The following RALYL variants were observed in gnomAD, a reference collection of about 807,000 sequenced individuals.
The protein encoded by RALYL is RALY RNA binding protein like.
RALYL carries 29 observed loss-of-function variants against 35.1 expected under a neutral mutation model. The observed-to-expected ratio is 0.83, with a 90% confidence interval of 0.61 to 1.13. The LOEUF (loss-of-function observed/expected upper bound fraction) is 1.13. Ranked by LOEUF, RALYL falls within the 50% of genes most tolerant of loss-of-function variation. RALYL has a pLI of 0.00. For missense variants in RALYL, 359 were observed against 360.4 expected, an observed-to-expected ratio of 1.00 and a Z score of 0.03; for synonymous variants, 120 against 127.6, an observed-to-expected ratio of 0.94 and a Z score of 0.40.
chr8:84,326,825 T>TA (rs1362246567), intron 1 of RALYL, among the ~76,000 whole-genome samples: 1 of 152,202 alleles, frequency 6.6e-6, no homozygotes, highest in African/African-American at 2.4e-5. Context: ...AATTTTCATG[T>TA]AGTATTTGTG....
intron 2 of RALYL, among the ~76,000 whole-genome samples, chr8:84,765,642 G>C (rs765474319): frequency 2.0e-5 from 3 of 152,012 alleles, no homozygotes; most frequent in African/African-American, 2.4e-5. Flanking sequence ...GCTTATACTT[G>C]GGTAATGTAT....
intron 2 of RALYL, among the ~76,000 whole-genome samples, chr8:84,630,395 TC>T (rs1308701344): frequency 1.3e-5 from 2 of 151,868 alleles, no homozygotes; most frequent in Admixed American, 1.3e-4. Flanking sequence ...TTAAAAAACT[TC>T]AAACAACAAC....
intron 2 of RALYL, among the ~76,000 whole-genome samples, chr8:84,758,325 G>A (rs751350025): frequency 6.6e-6 from 1 of 152,124 alleles, no homozygotes; most frequent in Non-Finnish European, 1.5e-5. Context: ...CCTTCTTTGG[G>A]TAGGTAAATA....
intron 2 of RALYL, among the ~76,000 whole-genome samples, chr8:84,651,177 T>C (rs1588761367): frequency 6.6e-6 from 1 of 151,940 alleles, no homozygotes; most frequent in Non-Finnish European, 1.5e-5. Context: ...CATATGTAAC[T>C]AACCTGCACA....
At chr8:84,906,687 A>AT (rs1288686429) in intron 8 of RALYL, among the ~76,000 whole-genome samples, 1 of 146,062 alleles carries the variant, frequency 6.8e-6, no homozygotes, top group African/African-American at 2.8e-5. Flanking sequence ...AAGTTAATTG[A>AT]TTAAAAAAAA....
At chr8:84,636,984 G>A (rs1204446348) in intron 2 of RALYL, among the ~76,000 whole-genome samples, 1 of 151,794 alleles carries the variant, frequency 6.6e-6, no homozygotes, top group Non-Finnish European at 1.5e-5. Context: ...CTTCACCTAT[G>A]GAAGCTTAGA....
chr8:84,445,421 A>G (rs1007999230), intron 1 of RALYL, among the ~76,000 whole-genome samples: 1 of 151,930 alleles, frequency 6.6e-6, no homozygotes, highest in African/African-American at 2.4e-5. Flanking sequence ...ATAATTATGA[A>G]CAGAAGACAA....
intron 1 of RALYL, among the ~76,000 whole-genome samples, chr8:84,420,762 T>C (rs1325398417): frequency 8.9e-6 from 1 of 112,454 alleles, no homozygotes; most frequent in Non-Finnish European, 1.8e-5. Context: ...GCTTCCTACA[T>C]ATGGCTAGCC....
At chr8:84,233,783 G>A (rs1346409568) in intron 1 of RALYL, among the ~76,000 whole-genome samples, 1 of 152,128 alleles carries the variant, frequency 6.6e-6, no homozygotes, top group East Asian at 1.9e-4. Context: ...TTTCTAGTTG[G>A]TCTTGTTTCC....
At chr8:84,202,207 TA>T (rs538306861) in intron 1 of RALYL, among the ~76,000 whole-genome samples, 5,818 of 145,996 alleles carry the variant, frequency 0.04, 352 homozygotes, top group African/African-American at 0.13. Context: ...ATTTTTGGTT[TA>T]AAAAAAAAAA....
intron 1 of RALYL, among the ~76,000 whole-genome samples, chr8:84,203,545 T>C (rs992898461): frequency 5.3e-5 from 8 of 152,158 alleles, no homozygotes; most frequent in African/African-American, 1.7e-4. Context: ...TCCACAACAA[T>C]TTTACAGAAT....
At chr8:84,402,478 A>T (rs1359843236) in intron 1 of RALYL, among the ~76,000 whole-genome samples, 1 of 152,160 alleles carries the variant, frequency 6.6e-6, no homozygotes, top group Non-Finnish European at 1.5e-5. Flanking sequence ...CTCTTAAAAA[A>T]ATTAAAGACC....
chr8:84,374,751 G>A (rs534966944), intron 1 of RALYL, among the ~76,000 whole-genome samples: 6 of 151,934 alleles, frequency 3.9e-5, no homozygotes, highest in African/African-American at 1.4e-4. Flanking sequence ...AAAAGTAACT[G>A]TTGGGTACTA....
At chr8:84,543,157 A>G (rs964854537) in intron 2 of RALYL, among the ~76,000 whole-genome samples, 2 of 151,916 alleles carry the variant, frequency 1.3e-5, no homozygotes, top group African/African-American at 4.8e-5. Context: ...TTTTTTAAAG[A>G]TTTATTCCTG....
chr8:84,596,651 T>A (rs1814606913), intron 2 of RALYL, among the ~76,000 whole-genome samples: 1 of 152,110 alleles, frequency 6.6e-6, no homozygotes, highest in Non-Finnish European at 1.5e-5. Context: ...CAGAAGTGAG[T>A]TACTTTTCTC....
At chr8:84,427,743 A>C (rs75441366) in intron 1 of RALYL, among the ~76,000 whole-genome samples, 168 of 152,248 alleles carry the variant, frequency 1.1e-3, no homozygotes, top group African/African-American at 3.8e-3. Flanking sequence ...TAAGTAACCT[A>C]GCCAGGTTAG....
At chr8:84,578,957 G>A (rs573031840) in intron 2 of RALYL, among the ~76,000 whole-genome samples, 7 of 152,220 alleles carry the variant, frequency 4.6e-5, no homozygotes, top group Middle Eastern at 3.4e-3. Flanking sequence ...CTGATAGCTC[G>A]GCCCACAGGC....
intron 2 of RALYL, among the ~76,000 whole-genome samples, chr8:84,612,546 T>C (rs1818539906): frequency 6.6e-6 from 1 of 151,874 alleles, no homozygotes; most frequent in Admixed American, 6.6e-5. Flanking sequence ...AGCCTGTTAC[T>C]CTACTCCAGA....
intron 1 of RALYL, among the ~76,000 whole-genome samples, chr8:84,349,983 C>T (rs1850589246): frequency 6.6e-6 from 1 of 150,594 alleles, no homozygotes; most frequent in Admixed American, 6.6e-5. Flanking sequence ...AACTTCTTCC[C>T]ATTACTCCCA....
Sources: allele counts gnomAD v4.1 joint callset (sites outside exome capture counted in the v4.1 genomes callset), GRCh38; gene constraint gnomAD v4.1.1; transcripts MANE v1.5; gene names NCBI Gene and HGNC (gene_info 2026-07-23, HGNC 2026-07-21).